ULK4: variants seen among roughly 807,000 people sequenced by gnomAD.
ULK4 encodes the protein inactive serine/threonine-protein kinase ULK4.
A neutral mutation model predicts 160.6 loss-of-function variants in ULK4; 133 were observed. The observed-to-expected ratio is 0.83, with a 90% CI of 0.72 to 0.96. ULK4 has a LOEUF of 0.96. Among genes scored for constraint, ULK4 ranks in the 40% least tolerant of loss-of-function variants. ULK4 has a pLI of 0.00. For synonymous variants in ULK4, 534 were observed against 539.8 expected (o/e 0.99, Z 0.15); for missense variants, 1,580 against 1,499.5 (o/e 1.05, Z -0.89).
intron 18 of ULK4, among the ~76,000 whole-genome samples, chr3:41,831,708 T>C (rs1435394758): frequency 1.3e-5 from 2 of 150,498 alleles, no homozygotes; most frequent in Non-Finnish European, 3.0e-5. Flanking sequence ...TTGCTCCCCA[T>C]CCCCTGACAG....
chr3:41,670,590 CACATAT>C (rs1431750250), intron 29 of ULK4, among the ~76,000 whole-genome samples: 3 of 151,670 alleles, frequency 2.0e-5, no homozygotes, highest in Non-Finnish European at 2.9e-5. Context: ...TATATACATA[CACATAT>C]ACATATATAT....
intron 5 of ULK4, among the ~76,000 whole-genome samples, chr3:41,929,024 A>G (rs1716987): frequency 0.74 from 112,184 of 151,792 alleles, 42,794 homozygotes; most frequent in East Asian, 0.83. Context: ...CCAAAGCCTG[A>G]CGGAGATATT....
chr3:41,915,593 G>T, intron 8 of ULK4: 1 of 170,794 alleles, frequency 5.9e-6, no homozygotes. Context: ...TCAGTTAACA[G>T]CATCTTAACT....
intron 21 of ULK4, among the ~76,000 whole-genome samples, chr3:41,765,964 G>A (rs2039147778): frequency 6.6e-6 from 1 of 152,146 alleles, no homozygotes; most frequent in African/African-American, 2.4e-5. Flanking sequence ...GACACACAAA[G>A]TTTGTAAGAA....
chr3:41,545,931 C>G (rs889303184), intron 32 of ULK4, among the ~76,000 whole-genome samples: 1 of 152,052 alleles, frequency 6.6e-6, no homozygotes, highest in African/African-American at 2.4e-5. Context: ...CAGTTTAAGA[C>G]TTTTATATGG....
chr3:41,651,341 A>G (rs1180831773), intron 30 of ULK4, among the ~76,000 whole-genome samples: 1 of 152,196 alleles, frequency 6.6e-6, no homozygotes, highest in Non-Finnish European at 1.5e-5. Flanking sequence ...ACCCTCTCAA[A>G]AACAGCCCAC....
chr3:41,792,729 C>T (rs1235816621), intron 20 of ULK4, among the ~76,000 whole-genome samples: 1 of 152,200 alleles, frequency 6.6e-6, no homozygotes, highest in Non-Finnish European at 1.5e-5. Context: ...TAATTCACTT[C>T]TAAATATCAA....
At chr3:41,735,687 T>TTTCTTATTATTA (rs1553641851) in intron 22 of ULK4, among the ~76,000 whole-genome samples, 1 of 144,494 alleles carries the variant, frequency 6.9e-6, no homozygotes, top group Non-Finnish European at 1.5e-5. Flanking sequence ...CTAAGTCCAT[T>TTTCTTATTATTA]TTATTATTAT....
In ULK4 at chr3:41,372,216, A is replaced by G. The variant is rs1438524169; in HGVS notation, c.3678+25863T>C. 2.6e-5 allele frequency among the ~76,000 whole-genome samples: 4 copies of G among 152,174 alleles called. No homozygotes were observed. The East Asian group carries it at 7.7e-4, about 29-fold the overall frequency. ...AAAGAATGGAACCAAGTTGGAAAAC[A>G]CTCTGCAGGATATTATCCAGGAGAA... On this transcript the variant is annotated intron_variant, in intron 35 of 36. Coordinates refer to ENST00000301831, the MANE Select transcript of ULK4 (RefSeq NM_017886.4).
At position 41,355,241 on chromosome 3, in the gene ULK4, T is replaced by C. The variant is rs371540219; in HGVS notation, c.3678+42838A>G. On this transcript the variant is annotated intron_variant, in intron 35 of 36. Transcript: ENST00000301831. ...GCTTTGAGGTGGAATGGCACACCCATACTCTTCAATTACCTTAGAATGGTA... is the reference window on the plus strand; with the variant it reads ...GCTTTGAGGTGGAATGGCACACCCACACTCTTCAATTACCTTAGAATGGTA... Among the ~76,000 whole-genome samples the C allele has an allele frequency of 5.9e-5, 9 of 152,324 alleles. No homozygotes were observed. In the East Asian group the frequency reaches 1.2e-3, roughly 20 times the overall value.
rs1381477874 is a variant in ULK4, at chr3:41,806,151, A to C, written c.1849-5858T>G. ...CGTTGGTAAGCTATTGATTATTGCC[A>C]CAATTTCAGAGCCTGTTATTGGTCT... On this transcript the variant is annotated intron_variant, in intron 19 of 36. Coordinates refer to ENST00000301831, the MANE Select transcript of ULK4 (RefSeq NM_017886.4). 1.5e-4 allele frequency among the ~76,000 whole-genome samples: 22 copies of C among 147,436 alleles called. 1 individual carries two copies. In the South Asian group the frequency reaches 3.0e-3, roughly 20 times the overall value.
At chr3:41,360,266 A>G (rs150960837) in intron 35 of ULK4, among the ~76,000 whole-genome samples, 70 of 152,324 alleles carry the variant, frequency 4.6e-4, no homozygotes, top group African/African-American at 1.7e-3. Context: ...TCAAAAAACA[A>G]CAATGCTGGT....
intron 35 of ULK4, among the ~76,000 whole-genome samples, chr3:41,323,391 A>AACACAC (rs34357899): frequency 0.11 from 12,937 of 120,084 alleles, 791 homozygotes; most frequent in East Asian, 0.15. Context: ...CCTGAACAAT[A>AACACAC]ACACACACAC....
chr3:41,656,020 CA>C (rs1367632387), intron 30 of ULK4, among the ~76,000 whole-genome samples: 1 of 152,154 alleles, frequency 6.6e-6, no homozygotes, highest in Non-Finnish European at 1.5e-5. Context: ...AAAGTCAATT[CA>C]AAAACACTGT....
intron 17 of ULK4, among the ~76,000 whole-genome samples, chr3:41,858,134 GTTT>G (rs1291174630): frequency 7.4e-5 from 8 of 108,820 alleles, no homozygotes; most frequent in Non-Finnish European, 1.1e-4. Flanking sequence ...ATCCCATAGG[GTTT>G]TTTTTGTTTG....
intron 25 of ULK4, among the ~76,000 whole-genome samples, chr3:41,713,271 G>A (rs2037164225): frequency 6.6e-6 from 1 of 152,192 alleles, no homozygotes; most frequent in African/African-American, 2.4e-5. Context: ...TGTAACTTGA[G>A]TAACATTTTT....
chr3:41,898,756 G>A (rs1384143018), intron 13 of ULK4, among the ~76,000 whole-genome samples: 5 of 152,124 alleles, frequency 3.3e-5, no homozygotes, highest in Admixed American at 1.3e-4. Context: ...TTACTTTTTA[G>A]CTAATTTACC....
chr3:41,441,527 A>T (rs10446460), intron 34 of ULK4, among the ~76,000 whole-genome samples: 4 of 151,864 alleles, frequency 2.6e-5, no homozygotes, highest in Non-Finnish European at 5.9e-5. Flanking sequence ...TATATTACAA[A>T]ATATATAATA....
chr3:41,411,361 T>C (rs992417809), intron 34 of ULK4, among the ~76,000 whole-genome samples: 1 of 152,120 alleles, frequency 6.6e-6, no homozygotes, highest in Admixed American at 6.6e-5. Flanking sequence ...TTAGAGGCTT[T>C]ATCTGCATGT....
Sources: allele counts gnomAD v4.1 joint callset (sites outside exome capture counted in the v4.1 genomes callset), GRCh38; gene constraint gnomAD v4.1.1; transcripts MANE v1.5; gene names NCBI Gene and HGNC (gene_info 2026-07-23, HGNC 2026-07-21).